PAM16: variants seen among roughly 807,000 people sequenced by gnomAD.
PAM16 encodes presequence translocase associated motor 16, also known as mitochondrial import inner membrane translocase subunit TIM16.
Under a neutral mutation model 17.9 loss-of-function variants are expected in PAM16, and 11 were observed. The observed-to-expected ratio is 0.62, with a 90% CI of 0.39 to 1.02. The LOEUF (loss-of-function observed/expected upper bound fraction) is 1.02. Ranked by LOEUF, PAM16 falls within the 50% of genes least tolerant of loss-of-function variation. The pLI is 0.01. For synonymous variants in PAM16, 72 were observed against 67.4 expected, an observed-to-expected ratio of 1.07 and a Z score of -0.34; for missense variants, 199 against 165.4, an observed-to-expected ratio of 1.20 and a Z score of -1.11.
chr16:4,343,774 G>A (rs1038421323), intron 1 of PAM16: 1 of 408,602 alleles, frequency 2.4e-6, no homozygotes, highest in African/African-American at 2.1e-5. Flanking sequence ...CAAGTCCGAA[G>A]ACTTTAAGTC....
At chr16:4,341,673 C>A (rs2053649915) in intron 2 of PAM16, 169 bp from the exon 3 acceptor site, 1 of 1,187,438 alleles carries the variant, frequency 8.4e-7, no homozygotes, top group East Asian at 2.6e-5. Context: ...GGGGTAGAGG[C>A]TGGGAAAGTG....
intron 2 of PAM16, 102 bp from the exon 3 acceptor site, chr16:4,341,606 G>C (rs999992010): frequency 2.7e-6 from 4 of 1,474,722 alleles, no homozygotes; most frequent in East Asian, 5.0e-5. Context: ...CAGGATGAGA[G>C]ACACAGGGAC....
Position 4,351,294 on chromosome 16 carries a change from A to C in PAM16, c.-60T>G. On this transcript the variant is annotated 5_prime_UTR_variant, in exon 1 of 5. Transcript: ENST00000318059. ...CTTCCTGGCCCCGCGGCCGGGGATC[A>C]AGCGTGGTCGGCGGGTCAGAGGTCA... 1 of 1,382,008 alleles carries C rather than the reference A, an allele frequency of 7.2e-7. No homozygotes were observed. The highest frequency in any genetic ancestry group is 9.6e-7 in the Non-Finnish European group (1 of 1,046,216). 85.6% of individuals were successfully genotyped at this position (1,382,008 alleles called of 1,614,324 possible).
chr16:4,343,679 C>T lies in PAM16; in HGVS notation c.4-388G>A, dbSNP rs773303575. The T allele has an allele frequency of 3.9e-5, 25 of 646,704 alleles. No individual in the cohort carries two copies. The South Asian group carries it at 1.0e-3, about 26-fold the overall frequency. The allele number at this position is 646,704 out of a possible 1,614,324, so 40.1% of individuals were successfully genotyped here. On this transcript the variant is annotated intron_variant, in intron 1 of 4. Transcript: ENST00000318059. Reference sequence around the variant, plus strand: ...AGTAACTCACTCTCGACCCTGGGGCCGACCATCACTCTTCCTGAGTTTCTG... The same window carrying T: ...AGTAACTCACTCTCGACCCTGGGGCTGACCATCACTCTTCCTGAGTTTCTG...
chr16:4,346,210 C>A (rs1373345480), intron 1 of PAM16, among the ~76,000 whole-genome samples: 1 of 152,200 alleles, frequency 6.6e-6, no homozygotes, highest in East Asian at 1.9e-4. Flanking sequence ...GGAGGCATCT[C>A]TGAGAAGACG....
intron 4 of PAM16, 133 bp downstream of exon 4, chr16:4,340,787 C>T (rs2053631982): frequency 2.0e-5 from 24 of 1,187,566 alleles, no homozygotes; most frequent in Non-Finnish European, 2.9e-5. Flanking sequence ...GGCTGGGGCA[C>T]CATGGGAAAG....
intron 4 of PAM16, 35 bp downstream of exon 4, chr16:4,340,885 T>A: frequency 6.2e-7 from 1 of 1,612,218 alleles, no homozygotes; most frequent in South Asian, 1.1e-5. Context: ...AGGGGTCCCA[T>A]GACTTCATTC....
chr16:4,345,014 CTGGGA>C (rs2053732600), intron 1 of PAM16, among the ~76,000 whole-genome samples: 1 of 151,948 alleles, frequency 6.6e-6, no homozygotes, highest in Non-Finnish European at 1.5e-5. Context: ...CTAGGCTGGC[CTGGGA>C]AAGACTGGGA....
chr16:4,343,469 G>T, intron 1 of PAM16, 178 bp from the exon 2 acceptor site: 1 of 1,430,744 alleles, frequency 7.0e-7, no homozygotes. Flanking sequence ...ATGGTGGGTG[G>T]CTTAGTTACT....
At chr16:4,341,293 G>A (rs988548873) in intron 3 of PAM16, 75 bp downstream of exon 3, 1 of 1,519,862 alleles carries the variant, frequency 6.6e-7, no homozygotes, top group East Asian at 2.5e-5. Context: ...GGACCTCCCT[G>A]GCCAGGCCTC....
chr16:4,343,887 TGAGG>T (rs2053690464), intron 1 of PAM16: 2 of 397,726 alleles, frequency 5.0e-6, no homozygotes, highest in African/African-American at 2.1e-5. Context: ...GACCAAATCA[TGAGG>T]GAGAGTCAGG....
intron 1 of PAM16, among the ~76,000 whole-genome samples, chr16:4,350,107 C>CT (rs200180827): frequency 2.1e-4 from 32 of 151,672 alleles, no homozygotes; most frequent in Non-Finnish European, 2.9e-4. Context: ...AGAACCTGAA[C>CT]TTTTTTTTTC....
chr16:4,342,028 T>C (rs1010971744), intron 2 of PAM16, among the ~76,000 whole-genome samples: 4 of 152,180 alleles, frequency 2.6e-5, no homozygotes, highest in African/African-American at 7.2e-5. Context: ...CTAATGAGCC[T>C]ACACTGGAAC....
intron 2 of PAM16, among the ~76,000 whole-genome samples, chr16:4,342,244 G>C (rs1423481303): frequency 4.6e-5 from 7 of 152,270 alleles, no homozygotes; most frequent in African/African-American, 1.4e-4. Flanking sequence ...TGTAGTCCCA[G>C]CTACTGGAGA....
chr16:4,343,684 A>G (rs959819203), intron 1 of PAM16: 4 of 619,248 alleles, frequency 6.5e-6, no homozygotes, highest in African/African-American at 3.8e-5. Flanking sequence ...GGGGCCGACC[A>G]TCACTCTTCC....
At chr16:4,349,123 T>C (rs2053806775) in intron 1 of PAM16, among the ~76,000 whole-genome samples, 3 of 152,082 alleles carry the variant, frequency 2.0e-5, no homozygotes, top group African/African-American at 4.8e-5. Flanking sequence ...ACCCGGCTAA[T>C]TTTTTGTATT....
chr16:4,340,255 G>A lies in PAM16; in HGVS notation c.*64C>T, dbSNP rs1418009519. 1 of 1,505,776 alleles carries A rather than the reference G, an allele frequency of 6.6e-7. No individual in the cohort carries two copies. Among genetic ancestry groups the A allele is most frequent in the Non-Finnish European group, 9.0e-7 (1 of 1,108,806 alleles). 93.3% of individuals were successfully genotyped at this position (1,505,776 alleles called of 1,614,324 possible). ...TGGACACATGCAAACGAGAAATGCA[G>A]AAAAGAAATTTATTACCAAGCTATA... is the stretch of plus-strand genomic sequence containing the variant. On this transcript the variant is annotated 3_prime_UTR_variant, in exon 5 of 5. Transcript: ENST00000318059.
intron 1 of PAM16, chr16:4,345,500 G>C (rs1172160117): frequency 6.6e-6 from 1 of 152,182 alleles, no homozygotes; most frequent in East Asian, 1.9e-4. Context: ...GAGGCCAGAG[G>C]GGCTTGCTCC....
chr16:4,342,908 A>C (rs1383541800), intron 2 of PAM16, among the ~76,000 whole-genome samples: 2 of 152,254 alleles, frequency 1.3e-5, no homozygotes, highest in African/African-American at 4.8e-5. Context: ...CAGTGAGCCA[A>C]GATTGCCCCA....
Sources: allele counts gnomAD v4.1 joint callset (sites outside exome capture counted in the v4.1 genomes callset), GRCh38; gene constraint gnomAD v4.1.1; transcripts MANE v1.5; gene names NCBI Gene and HGNC (gene_info 2026-07-23, HGNC 2026-07-21).